The following DCC variants were observed in gnomAD, a reference collection of about 807,000 sequenced individuals.
The protein encoded by DCC is DCC netrin 1 receptor, also known as netrin receptor DCC.
In DCC, 58 loss-of-function variants were observed where a neutral mutation model predicts 172.5. The observed-to-expected ratio is 0.34, with a 90% confidence interval of 0.27 to 0.42. The LOEUF is 0.42. DCC is among the 10% of genes least tolerant of loss of function. The probability of loss-of-function intolerance (pLI) is 1.00; values close to 1 mark genes in which losing one functional copy is unlikely to be tolerated. For synonymous variants in DCC, 709 were observed against 644.5 expected, an observed-to-expected ratio of 1.10 and a Z score of -1.52; for missense variants, 1,740 against 1,791.0, an observed-to-expected ratio of 0.97 and a Z score of 0.51.
intron 21 of DCC, among the ~76,000 whole-genome samples, chr18:53,433,250 A>T (rs947184319): frequency 7.9e-5 from 12 of 152,174 alleles, no homozygotes; most frequent in Non-Finnish European, 1.2e-4. Flanking sequence ...CAATAGCCTC[A>T]CTAAATCTAA....
chr18:53,035,814 T>C (rs1466853554), intron 5 of DCC, among the ~76,000 whole-genome samples: 1 of 152,074 alleles, frequency 6.6e-6, no homozygotes, highest in Non-Finnish European at 1.5e-5. Context: ...TAGTGTATAT[T>C]TGATCCAGTT....
intron 1 of DCC, among the ~76,000 whole-genome samples, chr18:52,625,097 A>T (rs1334613431): frequency 1.3e-5 from 2 of 152,194 alleles, no homozygotes; most frequent in Non-Finnish European, 2.9e-5. Flanking sequence ...CAATTGTAAC[A>T]GTGGTTTTTG....
At chr18:53,146,656 C>A (rs1287006234) in intron 7 of DCC, among the ~76,000 whole-genome samples, 2 of 152,124 alleles carry the variant, frequency 1.3e-5, no homozygotes, top group African/African-American at 2.4e-5. Context: ...ATTCTTTTTA[C>A]TTTATTCAAG....
chr18:52,974,566 A>T (rs1392029583), intron 5 of DCC, among the ~76,000 whole-genome samples: 1 of 152,218 alleles, frequency 6.6e-6, no homozygotes, highest in East Asian at 1.9e-4. Context: ...GAAAAGCCAC[A>T]GGGTGGCCTG....
In DCC at chr18:52,565,608, T is replaced by C. The variant is rs2033143216; in HGVS notation, c.92-186446T>C. Among the ~76,000 whole-genome samples, 3 of 152,234 alleles carry C rather than the reference T, an allele frequency of 2.0e-5. No individual in the cohort carries two copies. In the South Asian group the frequency reaches 6.2e-4, roughly 31 times the overall value. On this transcript the variant is annotated intron_variant, in intron 1 of 28. Transcript: ENST00000442544. ...AATGACGAGTGATAATGAGCTCTTT[T>C]TCATATGTTTGTTGGCTGCAAAAAT...
At chr18:53,408,714 G>A (rs1030190003) in intron 19 of DCC, among the ~76,000 whole-genome samples, 1 of 152,080 alleles carries the variant, frequency 6.6e-6, no homozygotes, top group Admixed American at 6.5e-5. Context: ...TCCTGTCTTG[G>A]GGTCTGTATT....
chr18:53,419,634 C>A (rs1910521746), intron 21 of DCC, among the ~76,000 whole-genome samples: 1 of 152,010 alleles, frequency 6.6e-6, no homozygotes, highest in Non-Finnish European at 1.5e-5. Context: ...GCAGCTCTTG[C>A]CAGCAGTCAC....
chr18:53,452,923 GTTTGTTTT>G (rs1332294001), intron 23 of DCC, among the ~76,000 whole-genome samples: 1 of 150,922 alleles, frequency 6.6e-6, no homozygotes, highest in African/African-American at 2.4e-5. Context: ...TTGTTTGTTT[GTTTGTTTT>G]TTGAGATGGA....
chr18:52,497,406 TA>T (rs1362931437), intron 1 of DCC, among the ~76,000 whole-genome samples: 1 of 149,806 alleles, frequency 6.7e-6, no homozygotes, highest in Non-Finnish European at 1.5e-5. Context: ...CATATGTGTA[TA>T]TATGTATACA....
chr18:52,696,186 G>C (rs905331850), intron 1 of DCC, among the ~76,000 whole-genome samples: 4 of 152,188 alleles, frequency 2.6e-5, no homozygotes, highest in African/African-American at 9.6e-5. Context: ...CATCCTTAAA[G>C]TTATATACAT....
intron 2 of DCC, among the ~76,000 whole-genome samples, chr18:52,783,877 G>A (rs1177281167): frequency 6.6e-6 from 1 of 151,946 alleles, no homozygotes; most frequent in Non-Finnish European, 1.5e-5. Flanking sequence ...TATACAATGT[G>A]GAGGAATGAT....
chr18:53,207,093 T>C (rs1055596017), intron 10 of DCC, among the ~76,000 whole-genome samples: 9 of 152,156 alleles, frequency 5.9e-5, no homozygotes, highest in African/African-American at 1.4e-4. Flanking sequence ...CCAATTTAAA[T>C]AAATTCAAAA....
chr18:52,424,848 A>G (rs1397349849), intron 1 of DCC, among the ~76,000 whole-genome samples: 8 of 152,034 alleles, frequency 5.3e-5, no homozygotes, highest in Non-Finnish European at 1.0e-4. Context: ...ATTATTGCCA[A>G]AGTATCTTAT....
intron 12 of DCC, among the ~76,000 whole-genome samples, chr18:53,218,064 G>T (rs189754342): frequency 1.7e-4 from 26 of 152,118 alleles, no homozygotes; most frequent in East Asian, 1.9e-4. Flanking sequence ...CCCTAGGCTG[G>T]TATCAAAGTC....
At chr18:53,269,516 A>G (rs1283490163) in intron 12 of DCC, among the ~76,000 whole-genome samples, 1 of 152,180 alleles carries the variant, frequency 6.6e-6, no homozygotes, top group East Asian at 1.9e-4. Flanking sequence ...CTGCATGCAA[A>G]GAATAGGAAA....
intron 1 of DCC, among the ~76,000 whole-genome samples, chr18:52,422,395 A>G (rs182865166): frequency 6.6e-6 from 1 of 152,246 alleles, no homozygotes; most frequent in African/African-American, 2.4e-5. Flanking sequence ...TCACATCAGG[A>G]TTGTCCACTC....
intron 2 of DCC, among the ~76,000 whole-genome samples, chr18:52,849,502 C>T (rs965140815): frequency 1.7e-4 from 26 of 152,090 alleles, no homozygotes; most frequent in African/African-American, 6.3e-4. Context: ...AGATTAAATC[C>T]AGCAACTGTT....
chr18:52,880,479 C>A (rs2039468259), intron 2 of DCC, among the ~76,000 whole-genome samples: 1 of 152,066 alleles, frequency 6.6e-6, no homozygotes, highest in Non-Finnish European at 1.5e-5. Flanking sequence ...TGTTTTGTAT[C>A]CCGTAACCAT....
At chr18:53,491,720 C>T (rs1042971061) in intron 26 of DCC, among the ~76,000 whole-genome samples, 3 of 152,168 alleles carry the variant, frequency 2.0e-5, no homozygotes, top group African/African-American at 7.2e-5. Flanking sequence ...TTTATCCAGT[C>T]CATCGTTGAT....
Sources: gnomAD v4.1 joint callset for allele counts (sites outside exome capture counted in the v4.1 genomes callset) on GRCh38, gnomAD v4.1.1 for gene constraint, MANE v1.5 for transcripts, NCBI Gene and HGNC (gene_info 2026-07-23, HGNC 2026-07-21) for gene names.